MDFIC: variants seen among roughly 807,000 people sequenced by gnomAD.
The protein encoded by MDFIC is MyoD family inhibitor domain containing, also known as myoD family inhibitor domain-containing protein.
In MDFIC, 17 loss-of-function variants were observed where a neutral mutation model predicts 23.2. The observed-to-expected ratio is 0.73, with a 90% CI of 0.50 to 1.10. The LOEUF (loss-of-function observed/expected upper bound fraction) is 1.10, where lower values mean the gene tolerates loss of function less well. MDFIC is among the 50% of genes least tolerant of loss of function. The pLI is 0.00. For missense variants in MDFIC, 356 were observed against 316.6 expected (o/e 1.12, Z -0.95); for synonymous variants, 120 against 115.2 (o/e 1.04, Z -0.27).
intron 3 of MDFIC, among the ~76,000 whole-genome samples, chr7:114,974,321 A>G (rs1457610158): frequency 2.8e-4 from 43 of 151,798 alleles, no homozygotes; most frequent in Admixed American, 2.8e-3. Context: ...ATCTTCTACT[A>G]TCTGTGTGTA....
intron 4 of MDFIC, among the ~76,000 whole-genome samples, chr7:114,987,333 C>T (rs915214289): frequency 5.3e-5 from 8 of 152,078 alleles, no homozygotes; most frequent in Non-Finnish European, 7.4e-5. Context: ...TCCGTTTTGC[C>T]TATAATTGTA....
At chr7:114,988,196 T>C (rs1036794093) in intron 4 of MDFIC, among the ~76,000 whole-genome samples, 23 of 152,124 alleles carry the variant, frequency 1.5e-4, no homozygotes, top group Non-Finnish European at 1.5e-5. Context: ...CAGCATTCAC[T>C]CAGGAGATGG....
At chr7:114,987,849 G>A (rs1954257069) in intron 4 of MDFIC, among the ~76,000 whole-genome samples, 1 of 152,094 alleles carries the variant, frequency 6.6e-6, no homozygotes, top group African/African-American at 2.4e-5. Context: ...TAAATAGTAA[G>A]TGTTTCTGTA....
At chr7:114,982,791 CA>C (rs1793440235) in intron 4 of MDFIC, among the ~76,000 whole-genome samples, 1 of 152,180 alleles carries the variant, frequency 6.6e-6, no homozygotes, top group African/African-American at 2.4e-5. Flanking sequence ...AGAGCAAGAT[CA>C]AGGTGCTGGC....
At position 114,922,580 on chromosome 7, in the gene MDFIC, G is replaced by T; in HGVS notation, c.-164G>T. 1 of 1,268,142 alleles carries T rather than the reference G, an allele frequency of 7.9e-7. No homozygotes were observed. Among genetic ancestry groups the T allele is most frequent in the Non-Finnish European group, 1.0e-6 (1 of 999,648 alleles). 78.6% of individuals were successfully genotyped at this position (1,268,142 alleles called of 1,614,324 possible). ...CGGAGGCTCGCTAACTTTCCGGGGC[G>T]GAAGAGGAGGAGGAGGAGGAGGAAG... On this transcript the variant is annotated 5_prime_UTR_variant, in exon 1 of 5. Transcript: ENST00000393486.
At chr7:114,922,850 GA>G in intron 1 of MDFIC, 76 bp from the exon 2 acceptor site, 2 of 1,467,370 alleles carry the variant, frequency 1.4e-6, no homozygotes, top group Admixed American at 2.2e-5. Flanking sequence ...AGTGGAGGGG[GA>G]GGGAACGTCC....
intron 2 of MDFIC, among the ~76,000 whole-genome samples, chr7:114,931,812 G>A (rs1182253284): frequency 1.3e-5 from 2 of 152,240 alleles, no homozygotes; most frequent in Middle Eastern, 3.4e-3. Context: ...GGGTTTTTTG[G>A]TGAGAATTAT....
chr7:114,965,581 A>G (rs1793079296), intron 3 of MDFIC, among the ~76,000 whole-genome samples: 1 of 152,138 alleles, frequency 6.6e-6, no homozygotes, highest in Admixed American at 6.5e-5. Flanking sequence ...TTGACATTTG[A>G]GAGATACTTG....
intron 4 of MDFIC, among the ~76,000 whole-genome samples, chr7:115,011,530 G>A (rs556476322): frequency 6.6e-6 from 1 of 152,152 alleles, no homozygotes; most frequent in African/African-American, 2.4e-5. Flanking sequence ...AGATAAGTTA[G>A]CAAAGGAGTG....
At chr7:114,935,072 C>G (rs560131993) in intron 2 of MDFIC, among the ~76,000 whole-genome samples, 1 of 152,208 alleles carries the variant, frequency 6.6e-6, no homozygotes, top group South Asian at 2.1e-4. Context: ...TGGGAAAATA[C>G]AGACCTAGTT....
At chr7:115,011,800 C>T (rs1791687328) in intron 4 of MDFIC, among the ~76,000 whole-genome samples, 1 of 152,204 alleles carries the variant, frequency 6.6e-6, no homozygotes, top group South Asian at 2.1e-4. Context: ...ACTCCCATCT[C>T]TCTTCATCCT....
At chr7:114,985,790 A>C (rs754018495) in intron 4 of MDFIC, among the ~76,000 whole-genome samples, 3 of 151,892 alleles carry the variant, frequency 2.0e-5, no homozygotes, top group Non-Finnish European at 2.9e-5. Flanking sequence ...GGAATGAACC[A>C]GTCTACGGAG....
intron 3 of MDFIC, among the ~76,000 whole-genome samples, chr7:114,967,847 T>A (rs1450064466): frequency 1.0e-4 from 8 of 79,980 alleles, no homozygotes; most frequent in Admixed American, 2.4e-4. Flanking sequence ...TTTTTTTTTT[T>A]AATTTTGATG....
At chr7:115,014,635 C>T (rs1197835018) in intron 4 of MDFIC, 2 of 869,918 alleles carry the variant, frequency 2.3e-6, no homozygotes, top group Admixed American at 4.8e-5. Flanking sequence ...AAACAAGGAA[C>T]CCACACAAAA....
intron 2 of MDFIC, among the ~76,000 whole-genome samples, chr7:114,941,010 C>T (rs1792526041): frequency 6.6e-6 from 1 of 152,158 alleles, no homozygotes; most frequent in Non-Finnish European, 1.5e-5. Context: ...TGTATTCTCC[C>T]TCTTAGATGT....
intron 2 of MDFIC, among the ~76,000 whole-genome samples, chr7:114,924,328 A>G (rs1792149518): frequency 6.6e-6 from 1 of 152,184 alleles, no homozygotes; most frequent in Non-Finnish European, 1.5e-5. Flanking sequence ...CGACTCATTG[A>G]TGGGCTGTTT....
At chr7:114,954,772 A>G (rs1277090422) in intron 3 of MDFIC, among the ~76,000 whole-genome samples, 2 of 152,172 alleles carry the variant, frequency 1.3e-5, no homozygotes, top group East Asian at 3.8e-4. Context: ...AGAATTAGTA[A>G]ATACTACTAC....
chr7:114,979,276 TA>T (rs1793372941), intron 3 of MDFIC, among the ~76,000 whole-genome samples: 1 of 152,196 alleles, frequency 6.6e-6, no homozygotes, highest in Admixed American at 6.5e-5. Flanking sequence ...GTCTACTTTT[TA>T]TATCCTTGTA....
intron 4 of MDFIC, among the ~76,000 whole-genome samples, chr7:115,003,314 ACCACGCAAACT>A (rs374567625): frequency 1.3e-5 from 2 of 152,090 alleles, no homozygotes; most frequent in East Asian, 1.9e-4. Context: ...CAGACTAACT[ACCACGCAAACT>A]CCAGATCATG....
Sources: allele counts gnomAD v4.1 joint callset (sites outside exome capture counted in the v4.1 genomes callset), GRCh38; gene constraint gnomAD v4.1.1; transcripts MANE v1.5; gene names NCBI Gene and HGNC (gene_info 2026-07-23, HGNC 2026-07-21).